The following SPOCK1 variants were observed in gnomAD, a reference collection of about 807,000 sequenced individuals.
The protein encoded by SPOCK1 is SPARC (osteonectin), cwcv and kazal like domains proteoglycan 1.
Under a neutral mutation model 55.3 loss-of-function variants are expected in SPOCK1, and 23 were observed. The observed-to-expected ratio is 0.42, with a 90% CI of 0.30 to 0.59. SPOCK1 has a LOEUF of 0.59. SPOCK1 is among the 20% of genes least tolerant of loss of function. The pLI is 0.22. For synonymous variants in SPOCK1, 226 were observed against 221.0 expected (o/e 1.02, Z -0.20); for missense variants, 499 against 552.5 (o/e 0.90, Z 0.97).
At chr5:137,288,387 C>T (rs1757306126) in intron 2 of SPOCK1, among the ~76,000 whole-genome samples, 1 of 152,214 alleles carries the variant, frequency 6.6e-6, no homozygotes, top group Non-Finnish European at 1.5e-5. Context: ...AAGCTGCCCA[C>T]AACATAGAAA....
intron 6 of SPOCK1, among the ~76,000 whole-genome samples, chr5:136,995,121 ACCG>A (rs1483439800): frequency 6.6e-6 from 1 of 152,180 alleles, no homozygotes; most frequent in African/African-American, 2.4e-5. Context: ...GAATCTTCCC[ACCG>A]CAGCAGGGTG....
chr5:137,297,794 C>T (rs1162719962), intron 2 of SPOCK1, among the ~76,000 whole-genome samples: 1 of 151,926 alleles, frequency 6.6e-6, no homozygotes, highest in Non-Finnish European at 1.5e-5. Context: ...TGTCTTCAAT[C>T]GAGGTGCACA....
At chr5:137,267,339 C>T (rs899221234) in intron 2 of SPOCK1, among the ~76,000 whole-genome samples, 1 of 152,204 alleles carries the variant, frequency 6.6e-6, no homozygotes, top group Non-Finnish European at 1.5e-5. Flanking sequence ...TAAACCCAGA[C>T]ACCTTCTAGG....
At chr5:137,299,923 T>C (rs892665995) in intron 2 of SPOCK1, among the ~76,000 whole-genome samples, 2 of 152,202 alleles carry the variant, frequency 1.3e-5, no homozygotes, top group African/African-American at 4.8e-5. Context: ...GAGCTTGCTG[T>C]ATCTATAAAT....
chr5:137,466,500 A>G (rs1250746535), intron 2 of SPOCK1, among the ~76,000 whole-genome samples: 2 of 152,192 alleles, frequency 1.3e-5, no homozygotes, highest in Non-Finnish European at 2.9e-5. Flanking sequence ...ACAGAGCCCA[A>G]AGCAATTCCA....
chr5:137,495,055 C>G (rs1040089797), intron 2 of SPOCK1, among the ~76,000 whole-genome samples: 11 of 152,212 alleles, frequency 7.2e-5, no homozygotes, highest in Admixed American at 7.2e-4. Context: ...CTGGCCAAAA[C>G]TTCCCAATTG....
intron 3 of SPOCK1, among the ~76,000 whole-genome samples, chr5:137,217,180 A>G (rs991619539): frequency 2.0e-5 from 3 of 152,222 alleles, no homozygotes; most frequent in African/African-American, 7.2e-5. Context: ...GTCTCTTTTC[A>G]AACATAATGA....
rs943916886 is a variant in SPOCK1, at chr5:137,411,697, T to C, written c.186+86676A>G. The stretch of plus-strand genomic sequence containing the variant: ...CACTTTATCTTCTGTAAAATGGGGT[T>C]AACAACTTCTGGGTCTGTTTATCTC... On this transcript the variant is annotated intron_variant, in intron 2 of 10. Coordinates refer to ENST00000394945, the MANE Select transcript of SPOCK1 (RefSeq NM_004598.4). 1.3e-5 allele frequency among the ~76,000 whole-genome samples: 2 copies of C among 152,162 alleles called. 1 individual carries two copies. The highest frequency in any genetic ancestry group is 1.3e-4 in the Admixed American group (2 of 15,266).
intron 2 of SPOCK1, among the ~76,000 whole-genome samples, chr5:137,489,488 C>T (rs1337696765): frequency 3.9e-5 from 6 of 152,128 alleles, no homozygotes; most frequent in Admixed American, 3.9e-4. Flanking sequence ...AACTTCCAGA[C>T]CATGGACACC....
intron 6 of SPOCK1, among the ~76,000 whole-genome samples, chr5:136,994,808 C>T (rs1016261786): frequency 6.6e-6 from 1 of 151,826 alleles, no homozygotes; most frequent in Non-Finnish European, 1.5e-5. Flanking sequence ...AAGGTTGAGA[C>T]CAGCCTGGCC....
chr5:137,084,835 A>G (rs1039476672), intron 5 of SPOCK1, among the ~76,000 whole-genome samples: 1 of 151,532 alleles, frequency 6.6e-6, no homozygotes, highest in African/African-American at 2.4e-5. Flanking sequence ...TTCCATGCCA[A>G]CCTCACTACA....
At chr5:137,217,832 T>C (rs747384864) in intron 3 of SPOCK1, among the ~76,000 whole-genome samples, 10 of 152,196 alleles carry the variant, frequency 6.6e-5, no homozygotes, top group Admixed American at 4.6e-4. Flanking sequence ...CTAAGTAATG[T>C]ATCCAAGGTA....
intron 2 of SPOCK1, among the ~76,000 whole-genome samples, chr5:137,268,153 T>C (rs891858548): frequency 6.6e-6 from 1 of 152,228 alleles, no homozygotes; most frequent in African/African-American, 2.4e-5. Context: ...TCAGCCTCAG[T>C]GTCATTCAAT....
intron 2 of SPOCK1, among the ~76,000 whole-genome samples, chr5:137,361,958 C>A (rs138249066): frequency 1.2e-3 from 185 of 152,266 alleles, no homozygotes; most frequent in South Asian, 6.8e-3. Context: ...AGCGAGCTTC[C>A]CCCTTAAGTG....
intron 4 of SPOCK1, among the ~76,000 whole-genome samples, chr5:137,124,171 G>T (rs747714214): frequency 6.6e-6 from 1 of 152,188 alleles, no homozygotes; most frequent in Non-Finnish European, 1.5e-5. Context: ...AGACCAGGTA[G>T]ACTGGCAGGA....
chr5:137,272,001 A>C (rs1756973644), intron 2 of SPOCK1, among the ~76,000 whole-genome samples: 4 of 152,238 alleles, frequency 2.6e-5, no homozygotes, highest in African/African-American at 9.6e-5. Flanking sequence ...CAATAGAGAC[A>C]TAAACTGAAG....
intron 6 of SPOCK1, among the ~76,000 whole-genome samples, chr5:137,021,652 G>T (rs751310973): frequency 3.9e-5 from 6 of 152,068 alleles, no homozygotes; most frequent in Non-Finnish European, 8.8e-5. Context: ...CAATAATCTG[G>T]CAGCCATGAG....
chr5:137,479,517 C>T (rs1021282787), intron 2 of SPOCK1, among the ~76,000 whole-genome samples: 1 of 152,242 alleles, frequency 6.6e-6, no homozygotes, highest in Non-Finnish European at 1.5e-5. Flanking sequence ...ATAGCATCAC[C>T]TTTAACTGGC....
Position 137,147,849 on chromosome 5 carries a change from G to A in SPOCK1, c.233-7155C>T, listed in dbSNP as rs575160191. Among the ~76,000 whole-genome samples the A allele has an allele frequency of 3.9e-5, 6 of 152,278 alleles. No homozygotes were observed. In the East Asian group the frequency reaches 1.2e-3, roughly 29 times the overall value. Reference sequence around the variant, plus strand: ...TCATGCAACTATTTTACAGAAACTAGTAGATCTATATTTGGTAACATAGGT... The same window carrying A: ...TCATGCAACTATTTTACAGAAACTAATAGATCTATATTTGGTAACATAGGT... On this transcript the variant is annotated intron_variant, in intron 3 of 10. Transcript: ENST00000394945.
Sources: allele counts gnomAD v4.1 joint callset (sites outside exome capture counted in the v4.1 genomes callset), GRCh38; gene constraint gnomAD v4.1.1; transcripts MANE v1.5; gene names NCBI Gene and HGNC (gene_info 2026-07-23, HGNC 2026-07-21).